Variants in CCDC178 observed in about 807,000 individuals in gnomAD.
CCDC178 encodes coiled-coil domain containing 178, also known as coiled-coil domain-containing protein 178.
In CCDC178, 126 loss-of-function variants were observed where a neutral mutation model predicts 117.4. The ratio of observed to expected loss-of-function variants is 1.07; its 90% CI spans 0.93 to 1.24. The LOEUF is 1.24. Ranked by LOEUF, CCDC178 falls within the 50% of genes most tolerant of loss-of-function variation. The probability of loss-of-function intolerance (pLI) is 0.00; values close to 1 mark genes in which losing one functional copy is unlikely to be tolerated. For missense variants in CCDC178, 1,030 were observed against 986.9 expected (o/e 1.04, Z -0.59); for synonymous variants, 283 against 313.4 (o/e 0.90, Z 1.02).
chr18:33,337,749 A>G (rs1292831131), intron 9 of CCDC178, among the ~76,000 whole-genome samples: 1 of 152,182 alleles, frequency 6.6e-6, no homozygotes, highest in African/African-American at 2.4e-5. Context: ...GCCTTATACA[A>G]AAATCAACTC....
chr18:33,239,761 GT>G (rs935524775), intron 15 of CCDC178, among the ~76,000 whole-genome samples: 1 of 151,706 alleles, frequency 6.6e-6, no homozygotes, highest in Non-Finnish European at 1.5e-5. Context: ...ATTAATAGTT[GT>G]GGATGTTAAC....
chr18:33,216,052 T>G (rs1373319144), intron 18 of CCDC178, among the ~76,000 whole-genome samples: 8 of 151,954 alleles, frequency 5.3e-5, no homozygotes, highest in Non-Finnish European at 1.0e-4. Flanking sequence ...GAGCCATGAT[T>G]GCTCCACTGC....
chr18:33,034,994 G>C (rs2056416557), intron 21 of CCDC178, among the ~76,000 whole-genome samples: 2 of 151,888 alleles, frequency 1.3e-5, no homozygotes, highest in South Asian at 2.1e-4. Context: ...CTCAAGGACA[G>C]AGCAATTACT....
intron 11 of CCDC178, among the ~76,000 whole-genome samples, chr18:33,312,830 T>C (rs920068042): frequency 1.3e-5 from 2 of 152,186 alleles, no homozygotes; most frequent in African/African-American, 4.8e-5. Context: ...TGAAGATGTT[T>C]AACAGCTTGA....
chr18:33,230,273 T>C (rs1015681108), intron 15 of CCDC178, among the ~76,000 whole-genome samples: 3 of 151,228 alleles, frequency 2.0e-5, no homozygotes, highest in Non-Finnish European at 2.9e-5. Context: ...TGTGTGTGTG[T>C]AAGTTAATTA....
intron 12 of CCDC178, among the ~76,000 whole-genome samples, chr18:33,270,535 A>C (rs2059875073): frequency 6.6e-6 from 1 of 151,672 alleles, no homozygotes. Context: ...CTTCAATATG[A>C]TTAACAGACA....
intron 21 of CCDC178, among the ~76,000 whole-genome samples, chr18:33,047,465 C>T (rs2056665614): frequency 6.6e-6 from 1 of 152,076 alleles, no homozygotes; most frequent in African/African-American, 2.4e-5. Context: ...CCAATTGAGG[C>T]CTCTAATTTT....
chr18:33,435,596 G>A (rs2144984578), intron 2 of CCDC178, among the ~76,000 whole-genome samples: 1 of 149,750 alleles, frequency 6.7e-6, no homozygotes, highest in Non-Finnish European at 1.5e-5. Context: ...CAAGTGCTAT[G>A]CCATGGAGGG....
At chr18:33,051,622 A>G (rs1019836219) in intron 21 of CCDC178, among the ~76,000 whole-genome samples, 1 of 152,202 alleles carries the variant, frequency 6.6e-6, no homozygotes, top group African/African-American at 2.4e-5. Context: ...GTTATTTGCA[A>G]TGAGGTTGGC....
intron 21 of CCDC178, among the ~76,000 whole-genome samples, chr18:33,062,547 G>A (rs2056941318): frequency 6.6e-6 from 1 of 152,192 alleles, no homozygotes; most frequent in Non-Finnish European, 1.5e-5. Context: ...CCAGGAGGAA[G>A]CACTATTGTG....
chr18:33,247,105 A>AGG (rs1194936922), intron 14 of CCDC178, among the ~76,000 whole-genome samples: 24 of 151,016 alleles, frequency 1.6e-4, no homozygotes, highest in African/African-American at 5.8e-4. Context: ...AGAGAGAGAG[A>AGG]GAGACAGAGT....
intron 9 of CCDC178, 112 bp from the exon 10 acceptor site, chr18:33,333,506 C>CTTT (rs11361411): frequency 9.1e-4 from 139 of 152,838 alleles, no homozygotes; most frequent in South Asian, 1.8e-3. Context: ...AATCTTACTA[C>CTTT]TTTTTTTTTT....
chr18:33,159,046 A>G (rs1430342848), intron 20 of CCDC178, among the ~76,000 whole-genome samples: 2 of 152,100 alleles, frequency 1.3e-5, no homozygotes, highest in Non-Finnish European at 2.9e-5. Flanking sequence ...TCACTTTTTC[A>G]TAAGAAAAAT....
At chr18:33,008,254 C>G (rs998246756) in intron 21 of CCDC178, among the ~76,000 whole-genome samples, 2 of 152,200 alleles carry the variant, frequency 1.3e-5, no homozygotes, top group African/African-American at 4.8e-5. Flanking sequence ...AACTTTTCCT[C>G]CACACTCATG....
chr18:33,208,063 TCAAA>T (rs1035882587), intron 20 of CCDC178, among the ~76,000 whole-genome samples: 3 of 152,050 alleles, frequency 2.0e-5, no homozygotes, highest in South Asian at 2.1e-4. Context: ...TGTTCATTCC[TCAAA>T]CAGAGATAGA....
intron 22 of CCDC178, chr18:32,958,048 A>G (rs997549475): frequency 6.0e-6 from 2 of 333,782 alleles, no homozygotes; most frequent in Non-Finnish European, 1.1e-5. Context: ...TTACAGGGTT[A>G]CATGATTGAA....
intron 2 of CCDC178, among the ~76,000 whole-genome samples, chr18:33,422,497 T>A (rs1004479177): frequency 2.0e-5 from 3 of 152,174 alleles, no homozygotes; most frequent in Admixed American, 2.0e-4. Context: ...CAACATCCAA[T>A]AGAACTTTCA....
At chr18:33,196,880 G>C (rs1035234192) in intron 20 of CCDC178, among the ~76,000 whole-genome samples, 1 of 152,128 alleles carries the variant, frequency 6.6e-6, no homozygotes, top group Admixed American at 6.5e-5. Flanking sequence ...CCTTGTAAAG[G>C]TAAGCCTGAT....
At chr18:33,332,275 C>G (rs192834777) in intron 10 of CCDC178, among the ~76,000 whole-genome samples, 1 of 151,820 alleles carries the variant, frequency 6.6e-6, no homozygotes, top group Non-Finnish European at 1.5e-5. Flanking sequence ...AAAGGAGGAA[C>G]GAAAATGGAA....
Sources: gnomAD v4.1 joint callset for allele counts (sites outside exome capture counted in the v4.1 genomes callset) on GRCh38, gnomAD v4.1.1 for gene constraint, MANE v1.5 for transcripts, NCBI Gene and HGNC (gene_info 2026-07-23, HGNC 2026-07-21) for gene names.